The following ETV6 variants were observed in gnomAD, a reference collection of about 807,000 sequenced individuals.
The protein encoded by ETV6 is ETS variant transcription factor 6, also known as transcription factor ETV6.
Under a neutral mutation model 51.1 loss-of-function variants are expected in ETV6, and 16 were observed. The observed-to-expected ratio is 0.31, with a 90% CI of 0.21 to 0.48. The LOEUF is 0.48. ETV6 is among the 20% of genes least tolerant of loss of function. The probability of loss-of-function intolerance (pLI) is 0.99; values close to 1 mark genes in which losing one functional copy is unlikely to be tolerated. For missense variants in ETV6, 458 were observed against 594.8 expected, an observed-to-expected ratio of 0.77 and a Z score of 2.39; for synonymous variants, 240 against 224.1, an observed-to-expected ratio of 1.07 and a Z score of -0.64.
chr12:11,760,882 G>A (rs4554983), intron 2 of ETV6, among the ~76,000 whole-genome samples: 9 of 111,886 alleles, frequency 8.0e-5, no homozygotes, highest in African/African-American at 1.6e-4. Flanking sequence ...ATATATATGT[G>A]TGTGTGTGTG....
chr12:11,866,466 C>G (rs1301597999), intron 4 of ETV6, among the ~76,000 whole-genome samples: 2 of 152,154 alleles, frequency 1.3e-5, no homozygotes, highest in Admixed American at 6.5e-5. Context: ...GGATTGTGTT[C>G]TATTCCACTG....
At chr12:11,698,130 CT>C (rs1460880581) in intron 1 of ETV6, among the ~76,000 whole-genome samples, 1 of 152,162 alleles carries the variant, frequency 6.6e-6, no homozygotes, top group Non-Finnish European at 1.5e-5. Context: ...AGTATCTGTC[CT>C]TAGTTTCCTG....
chr12:11,894,527 A>G lies in ETV6; in HGVS notation c.*3481A>G, dbSNP rs757047814. 20 of 233,212 alleles carry G rather than the reference A, an allele frequency of 8.6e-5. No homozygotes were observed. The highest frequency in any genetic ancestry group is 1.3e-3 in the Middle Eastern group (1 of 786). The allele number at this position is 233,212 out of a possible 1,614,324, so 14.4% of individuals were successfully genotyped here. ...ACAGAAAAAGAGGAATAATAGACCA[A>G]TGGATTTTCTCCTTTCACCAGTATG... On this transcript the variant is annotated 3_prime_UTR_variant, in exon 8 of 8. Coordinates refer to ENST00000396373, the MANE Select transcript of ETV6 (RefSeq NM_001987.5).
At chr12:11,794,620 G>GT (rs1244186917) in intron 2 of ETV6, among the ~76,000 whole-genome samples, 1 of 152,160 alleles carries the variant, frequency 6.6e-6, no homozygotes, top group African/African-American at 2.4e-5. Context: ...TTGCACCTGA[G>GT]TTTTTTATCT....
chr12:11,752,512 A>G lies in ETV6; in HGVS notation c.96A>G (p.Pro32=). The change falls in exon 2 of 8, where the codon CCA becomes CCG. Residue 32 remains proline, a synonymous_variant. Transcript: ENST00000396373. ...TGCCGAGTTACGCTTCCTCGACGCC[A>G]CTTCATGTTCCAGTGCCTCGAGCGC... is the stretch of plus-strand genomic sequence containing the variant. ...SPVPSYASST[P]LHVPVPRALR... The G allele has an allele frequency of 3.1e-6, 5 of 1,613,932 alleles. No individual in the cohort carries two copies. Among genetic ancestry groups the G allele is most frequent in the Non-Finnish European group, 4.2e-6 (5 of 1,179,992 alleles).
chr12:11,874,772 A>G (rs1386548775), intron 5 of ETV6, among the ~76,000 whole-genome samples: 9 of 150,694 alleles, frequency 6.0e-5, no homozygotes, highest in East Asian at 5.9e-4. Flanking sequence ...TTCATTATCT[A>G]TTATCACTGA....
Position 11,784,783 on chromosome 12 carries a change from C to T in ETV6, c.163+32204C>T, listed in dbSNP as rs938065169. Among the ~76,000 whole-genome samples, 255 of 151,276 alleles carry T rather than the reference C, an allele frequency of 1.7e-3. 1 individual carries two copies. Among genetic ancestry groups the T allele is most frequent in the African/African-American group, 5.9e-3 (244 of 41,226 alleles). On this transcript the variant is annotated intron_variant, in intron 2 of 7. Transcript: ENST00000396373. ...GTGTAATCATAGCTCACTGCAGCCG[C>T]AAACTCTTGGGCTCATGATCCTTCC...
intron 1 of ETV6, among the ~76,000 whole-genome samples, chr12:11,694,096 G>T (rs959395178): frequency 6.6e-6 from 1 of 152,202 alleles, no homozygotes; most frequent in Non-Finnish European, 1.5e-5. Flanking sequence ...GCATAACAGG[G>T]TATTATATGT....
Position 11,891,839 on chromosome 12 carries a change from T to C in ETV6, c.*793T>C. On this transcript the variant is annotated 3_prime_UTR_variant, in exon 8 of 8. Coordinates refer to ENST00000396373, the MANE Select transcript of ETV6 (RefSeq NM_001987.5). ...ACAGAATCAAACCCGCATCCCAGCA[T>C]TGGGCCACCCATCTGAGGGAGGCCA... 1 of 326,928 alleles carries C rather than the reference T, an allele frequency of 3.1e-6. No homozygotes were observed. Among genetic ancestry groups the C allele is most frequent in the Non-Finnish European group, 5.9e-6 (1 of 169,206 alleles). 20.3% of individuals were successfully genotyped at this position (326,928 alleles called of 1,614,324 possible).
intron 2 of ETV6, among the ~76,000 whole-genome samples, chr12:11,760,397 T>G (rs75577598): frequency 0.018 from 2,796 of 152,264 alleles, 91 homozygotes; most frequent in African/African-American, 0.063. Flanking sequence ...ATTGGATACC[T>G]AGAAGGGAAA....
rs145726129 is a variant in ETV6, at chr12:11,737,878, A to G, written c.34-14572A>G. Among the ~76,000 whole-genome samples the G allele has an allele frequency of 5.4e-3, 815 of 152,172 alleles. 5 individuals are homozygous for G. The highest frequency in any genetic ancestry group is 0.029 in the South Asian group (138 of 4,816). On this transcript the variant is annotated intron_variant, in intron 1 of 7. Coordinates refer to ENST00000396373, the MANE Select transcript of ETV6 (RefSeq NM_001987.5). ...ATCTGCCCCTGCCCACTTTTTTTGT[A>G]GTTTTAGGGGGAAGCATAAATGTGG...
At chr12:11,792,409 C>T (rs1565528238) in intron 2 of ETV6, among the ~76,000 whole-genome samples, 1 of 152,174 alleles carries the variant, frequency 6.6e-6, no homozygotes. Flanking sequence ...TAATCCTCGG[C>T]CAGGCGAGGT....
In ETV6 at chr12:11,869,505, C is replaced by T; in HGVS notation, c.545C>T (p.Ser182Phe). Residue 182 changes from serine (S) to phenylalanine (F), a missense_variant, in exon 5 of 8, where the codon TCC becomes TTC. By Grantham distance (155) the Ser-to-Phe change is radical. Coordinates refer to ENST00000396373, the MANE Select transcript of ETV6 (RefSeq NM_001987.5). The surrounding 1 kb of genome is among the most constrained non-coding windows in gnomAD (Gnocchi z 5.0). ...NPPTIELLHR[S>F]RSPITTNHRP... ...CCCACCATTGAACTGTTGCACCGCT[C>T]CAGGTCACCTATCACGACAAATCAC... 6.2e-7 allele frequency: 1 copy of T among 1,614,168 alleles called. No homozygotes were observed. Among genetic ancestry groups the T allele is most frequent in the Non-Finnish European group, 8.5e-7 (1 of 1,180,020 alleles).
chr12:11,665,474 A>G (rs1185788803), intron 1 of ETV6, among the ~76,000 whole-genome samples: 5 of 152,230 alleles, frequency 3.3e-5, no homozygotes, highest in Admixed American at 6.5e-5. Context: ...TTGAATTATC[A>G]TCCACACTAG....
intron 1 of ETV6, among the ~76,000 whole-genome samples, chr12:11,672,922 A>T (rs1864347082): frequency 6.6e-6 from 1 of 152,228 alleles, no homozygotes; most frequent in South Asian, 2.1e-4. Context: ...ATTAGCCAAG[A>T]GCAAAAGTTA....
At chr12:11,885,621 G>A (rs774653831) in intron 6 of ETV6, among the ~76,000 whole-genome samples, 7 of 152,186 alleles carry the variant, frequency 4.6e-5, no homozygotes, top group Admixed American at 1.3e-4. Context: ...AGCAGAGAGC[G>A]GTCTTGGGAA....
At position 11,744,942 on chromosome 12, in the gene ETV6, C is replaced by G. The variant is rs1335426177; in HGVS notation, c.34-7508C>G. On this transcript the variant is annotated intron_variant, in intron 1 of 7. Coordinates refer to ENST00000396373, the MANE Select transcript of ETV6 (RefSeq NM_001987.5). ...AAAAAGAGAGAATTTCATGGCATGT[C>G]AAGAATGGAAAGTATCTTAATTAAA... 2.0e-5 allele frequency among the ~76,000 whole-genome samples: 3 copies of G among 150,428 alleles called. No homozygotes were observed. The East Asian group carries it at 5.8e-4, about 29-fold the overall frequency.
intron 1 of ETV6, among the ~76,000 whole-genome samples, chr12:11,695,685 T>C (rs1282838071): frequency 1.3e-5 from 2 of 152,126 alleles, no homozygotes; most frequent in Non-Finnish European, 2.9e-5. Flanking sequence ...TGGCTGTCCT[T>C]GTGTTTGTGT....
intron 1 of ETV6, among the ~76,000 whole-genome samples, chr12:11,704,986 T>G (rs1449464782): frequency 6.6e-6 from 1 of 152,214 alleles, no homozygotes; most frequent in Non-Finnish European, 1.5e-5. Context: ...CTGAAATATT[T>G]ATTTTAAAAG....
Sources: allele counts gnomAD v4.1 joint callset (sites outside exome capture counted in the v4.1 genomes callset), GRCh38; gene constraint gnomAD v4.1.1; non-coding constraint Gnocchi (gnomAD v3.1); transcripts MANE v1.5; gene names NCBI Gene and HGNC (gene_info 2026-07-23, HGNC 2026-07-21).